Variants in GBE1 observed in about 807,000 individuals in gnomAD.
GBE1 encodes 1,4-alpha-glucan-branching enzyme.
In GBE1, 70 loss-of-function variants were observed where a neutral mutation model predicts 88.8. The observed-to-expected ratio is 0.79, with a 90% confidence interval of 0.65 to 0.96. The LOEUF is 0.96. Among genes scored for constraint, GBE1 ranks in the 40% least tolerant of loss-of-function variants. GBE1 has a pLI of 0.00. For missense variants in GBE1, 872 were observed against 871.0 expected (o/e 1.00, Z -0.01); for synonymous variants, 284 against 300.1 (o/e 0.95, Z 0.56).
chr3:81,656,377 C>A (rs1189492230), intron 3 of GBE1, among the ~76,000 whole-genome samples: 3 of 152,180 alleles, frequency 2.0e-5, no homozygotes, highest in Non-Finnish European at 4.4e-5. Flanking sequence ...GGAATGCCAG[C>A]CACTTCCAGA....
chr3:81,761,252 T>A (rs1459288642), intron 1 of GBE1, 123 bp downstream of exon 1: 8 of 1,313,424 alleles, frequency 6.1e-6, no homozygotes, highest in Non-Finnish European at 7.3e-6. Flanking sequence ...CCCCGCCCAC[T>A]CAGGTTCCTC....
intron 7 of GBE1, among the ~76,000 whole-genome samples, chr3:81,641,559 G>C (rs1704678855): frequency 6.6e-6 from 1 of 152,002 alleles, no homozygotes; most frequent in African/African-American, 2.4e-5. Flanking sequence ...ATAATAAAAA[G>C]CCTGAGAATA....
intron 12 of GBE1, among the ~76,000 whole-genome samples, chr3:81,550,759 C>T (rs1703260754): frequency 6.6e-6 from 1 of 152,182 alleles, no homozygotes; most frequent in Non-Finnish European, 1.5e-5. Flanking sequence ...AATGCCATGG[C>T]AACGTCAGGA....
chr3:81,741,417 C>T (rs904224420), intron 1 of GBE1, among the ~76,000 whole-genome samples: 1 of 152,036 alleles, frequency 6.6e-6, no homozygotes, highest in African/African-American at 2.4e-5. Context: ...AGCATTTCCA[C>T]TCCACTTGAG....
At chr3:81,644,046 GT>G (rs199631765) in intron 6 of GBE1, among the ~76,000 whole-genome samples, 7 of 148,644 alleles carry the variant, frequency 4.7e-5, no homozygotes, top group African/African-American at 7.4e-5. Context: ...CAGCCTTAAA[GT>G]TTTTTTTTTC....
At chr3:81,736,593 G>T (rs1706259850) in intron 1 of GBE1, among the ~76,000 whole-genome samples, 1 of 152,170 alleles carries the variant, frequency 6.6e-6, no homozygotes, top group Non-Finnish European at 1.5e-5. Flanking sequence ...GAAAGACTGG[G>T]ATCTGGCTCA....
At chr3:81,694,267 G>C (rs1032285083) in intron 2 of GBE1, among the ~76,000 whole-genome samples, 2 of 152,072 alleles carry the variant, frequency 1.3e-5, no homozygotes, top group Non-Finnish European at 2.9e-5. Context: ...AAAGGGAGGA[G>C]AGAAGATAGG....
rs527309640 is a variant in GBE1 at position 81,638,597 on chromosome 3, A to G, written c.992+4184T>C. 1.2e-4 allele frequency among the ~76,000 whole-genome samples: 19 copies of G among 152,294 alleles called. No homozygotes were observed. In the South Asian group the frequency reaches 3.5e-3, roughly 28 times the overall value. The stretch of plus-strand genomic sequence containing the variant: ...ACACACTTGTCAGAAAGTTCTCTTT[A>G]CCAAATAAAGGACAACCCAATCTCT... On this transcript the variant is annotated intron_variant, in intron 7 of 15. Transcript: ENST00000429644.
intron 14 of GBE1, among the ~76,000 whole-genome samples, chr3:81,526,523 T>A (rs1292037059): frequency 6.6e-6 from 1 of 152,026 alleles, no homozygotes. Flanking sequence ...TTCAGCAAAG[T>A]CTCAGGATGC....
chr3:81,546,172 C>G (rs1398239976), intron 12 of GBE1, among the ~76,000 whole-genome samples: 1 of 151,822 alleles, frequency 6.6e-6, no homozygotes, highest in Non-Finnish European at 1.5e-5. Context: ...GAACATACCC[C>G]AGTGGAAAAG....
At position 81,633,837 on chromosome 3, in the gene GBE1, C is replaced by G. The variant is rs181416105; in HGVS notation, c.992+8944G>C. The stretch of plus-strand genomic sequence containing the variant: ...GATTTGTTGCGTGTCTCCTAAGGCA[C>G]ATTTTGGAACCCAGAGATAGCCTTA... On this transcript the variant is annotated intron_variant, in intron 7 of 15. Transcript: ENST00000429644. Among the ~76,000 whole-genome samples the G allele has an allele frequency of 1.8e-4, 27 of 152,278 alleles. No individual in the cohort carries two copies. In the East Asian group the frequency reaches 5.2e-3, roughly 29 times the overall value.
chr3:81,524,768 T>A (rs1336675505), intron 14 of GBE1, among the ~76,000 whole-genome samples: 1 of 151,962 alleles, frequency 6.6e-6, no homozygotes, highest in African/African-American at 2.4e-5. Context: ...CTGGTATTTG[T>A]GTCTGTTTTT....
chr3:81,523,067 C>A lies in GBE1; in HGVS notation c.1934+12128G>T, dbSNP rs143647596. On this transcript the variant is annotated intron_variant, in intron 14 of 15. Transcript: ENST00000429644. ...TCAAGATTTTCAAAACCGAACCAGGCTTTCATATACAGTGTAATTCTGTGT... is the reference window on the plus strand; with the variant it reads ...TCAAGATTTTCAAAACCGAACCAGGATTTCATATACAGTGTAATTCTGTGT... Among the ~76,000 whole-genome samples the A allele has an allele frequency of 1.5e-3, 223 of 151,368 alleles. 2 individuals carry two copies. Among genetic ancestry groups the A allele is most frequent in the African/African-American group, 5.2e-3 (217 of 41,418 alleles).
chr3:81,657,480 G>T (rs187122338), intron 3 of GBE1, among the ~76,000 whole-genome samples: 30 of 152,160 alleles, frequency 2.0e-4, no homozygotes, highest in African/African-American at 6.3e-4. Flanking sequence ...AGTTCATTGT[G>T]AACTTTGAGT....
intron 7 of GBE1, among the ~76,000 whole-genome samples, chr3:81,630,677 C>T (rs999324471): frequency 6.6e-6 from 1 of 152,066 alleles, no homozygotes; most frequent in South Asian, 2.1e-4. Flanking sequence ...TTGAGATGTG[C>T]CCTAAGTGTA....
intron 7 of GBE1, among the ~76,000 whole-genome samples, chr3:81,627,516 T>A (rs1374468782): frequency 6.6e-6 from 1 of 152,066 alleles, no homozygotes; most frequent in Admixed American, 6.6e-5. Flanking sequence ...AACAGCATTT[T>A]TAACACAGGG....
intron 1 of GBE1, among the ~76,000 whole-genome samples, chr3:81,748,074 C>T (rs1427778530): frequency 6.6e-6 from 1 of 152,076 alleles, no homozygotes; most frequent in Non-Finnish European, 1.5e-5. Context: ...GAGCCGAGAT[C>T]ACGCCACTGC....
chr3:81,672,651 G>T (rs1342521162), intron 2 of GBE1, among the ~76,000 whole-genome samples: 1 of 151,724 alleles, frequency 6.6e-6, no homozygotes, highest in Non-Finnish European at 1.5e-5. Flanking sequence ...TAGAAGAAAG[G>T]GAACACAAGA....
At chr3:81,674,826 C>T (rs1705231325) in intron 2 of GBE1, among the ~76,000 whole-genome samples, 1 of 151,792 alleles carries the variant, frequency 6.6e-6, no homozygotes, top group South Asian at 2.1e-4. Context: ...TTATGTAATG[C>T]AAAGAGTTTG....
Sources: allele counts gnomAD v4.1 joint callset (sites outside exome capture counted in the v4.1 genomes callset), GRCh38; gene constraint gnomAD v4.1.1; transcripts MANE v1.5; gene names NCBI Gene and HGNC (gene_info 2026-07-23, HGNC 2026-07-21).